Variants in CYP2J2 observed in about 807,000 individuals in gnomAD.
The protein encoded by CYP2J2 is cytochrome P450 2J2.
In CYP2J2, 41 loss-of-function variants were observed where a neutral mutation model predicts 48.8. That is an observed-to-expected ratio of 0.84 (90% CI 0.66 to 1.09). The LOEUF is 1.09. CYP2J2 is among the 50% of genes least tolerant of loss of function. The pLI, the probability that CYP2J2 is intolerant of heterozygous loss-of-function variation, is 0.00. For missense variants in CYP2J2, 644 were observed against 617.3 expected (o/e 1.04, Z -0.46); for synonymous variants, 221 against 227.1 (o/e 0.97, Z 0.24).
intron 8 of CYP2J2, 114 bp downstream of exon 8, chr1:59,900,851 C>T (rs1217559524): frequency 2.4e-5 from 30 of 1,243,418 alleles, no homozygotes; most frequent in Non-Finnish European, 3.1e-5. Flanking sequence ...GAGTGAGTCG[C>T]ACTGGCCAGG....
rs987657134 is a variant in CYP2J2 at position 59,901,242 on chromosome 1, C to T, written c.1192-139G>A. 40 of 755,046 alleles carry T rather than the reference C, an allele frequency of 5.3e-5. No individual in the cohort carries two copies. The East Asian group carries it at 6.1e-4, about 12-fold the overall frequency. 46.8% of individuals were successfully genotyped at this position (755,046 alleles called of 1,614,324 possible). On this transcript the variant is annotated intron_variant, in intron 7 of 8. Coordinates refer to ENST00000371204, the MANE Select transcript of CYP2J2 (RefSeq NM_000775.4). ...CCTCCCCAATTGTGGTACACAGTCT[C>T]CTGTGTCCCCCAACCCAGGACCCTT...
chr1:59,912,869 T>C (rs1436623716), intron 2 of CYP2J2: 1 of 152,208 alleles, frequency 6.6e-6, no homozygotes, highest in Non-Finnish European at 1.5e-5. Context: ...TAAAAGATGA[T>C]GTAAGGAATC....
At chr1:59,935,708 G>A in the CYP2J2 span, among the ~76,000 whole-genome samples, 12 of 152,138 alleles carry the variant, frequency 7.9e-5, no homozygotes, top group Non-Finnish European at 1.6e-4. Context: ...GATATTCCAC[G>A]TACATGGGTA....
intron 5 of CYP2J2, 42 bp from the exon 6 acceptor site, chr1:59,907,969 G>A: frequency 3.1e-6 from 5 of 1,598,448 alleles, no homozygotes; most frequent in Non-Finnish European, 4.3e-6. Context: ...GGTTTATTCA[G>A]AGGATTCCTG....
At chr1:59,905,410 C>T (rs1644356888) in intron 6 of CYP2J2, among the ~76,000 whole-genome samples, 1 of 152,208 alleles carries the variant, frequency 6.6e-6, no homozygotes, top group Non-Finnish European at 1.5e-5. Flanking sequence ...TCTCTGGAGT[C>T]TCTTTTATAA....
chr1:59,930,217 T>A (rs367789181), upstream of CYP2J2, among the ~76,000 whole-genome samples: 2 of 152,152 alleles, frequency 1.3e-5, no homozygotes, highest in East Asian at 3.8e-4. Context: ...CAAATGAGGG[T>A]GTGTAAATAT....
At chr1:59,898,748 C>A (rs2102104830) in intron 8 of CYP2J2, among the ~76,000 whole-genome samples, 1 of 152,286 alleles carries the variant, frequency 6.6e-6, no homozygotes, top group Non-Finnish European at 1.5e-5. Context: ...AGAACTCTCT[C>A]TTATTTTTAG....
intron 1 of CYP2J2, among the ~76,000 whole-genome samples, chr1:59,919,984 G>A (rs1365823163): frequency 6.6e-6 from 1 of 152,080 alleles, no homozygotes; most frequent in Non-Finnish European, 1.5e-5. Flanking sequence ...AAAGTCTCTT[G>A]GGAGAGACTG....
chr1:59,904,766 CT>C, intron 7 of CYP2J2, 104 bp downstream of exon 7: 1 of 959,834 alleles, frequency 1.0e-6, no homozygotes, highest in Non-Finnish European at 1.5e-6. Flanking sequence ...TATAAGATAT[CT>C]TTTTCTTCCA....
At chr1:59,935,057 A>C in the CYP2J2 span, among the ~76,000 whole-genome samples, 15 of 99,500 alleles carry the variant, frequency 1.5e-4, no homozygotes, top group Non-Finnish European at 3.2e-4. Flanking sequence ...TATATACACA[A>C]CAGAATATTA....
At chr1:59,896,922 A>G (rs1644274854) in intron 8 of CYP2J2, among the ~76,000 whole-genome samples, 1 of 152,212 alleles carries the variant, frequency 6.6e-6, no homozygotes, top group African/African-American at 2.4e-5. Flanking sequence ...CCTATAGTCA[A>G]TTCTATTTGC....
chr1:59,927,678 T>C (rs1279066771), upstream of CYP2J2, among the ~76,000 whole-genome samples: 1 of 152,192 alleles, frequency 6.6e-6, no homozygotes, highest in African/African-American at 2.4e-5. Context: ...GTTCAAGCGA[T>C]TCTTCTGCTT....
chr1:59,894,695 C>T (rs1192915485), intron 8 of CYP2J2, among the ~76,000 whole-genome samples: 1 of 152,128 alleles, frequency 6.6e-6, no homozygotes, highest in Non-Finnish European at 1.5e-5. Flanking sequence ...CATGCTGAAT[C>T]CAAATAAGCT....
chr1:59,937,876 T>C, the CYP2J2 span, among the ~76,000 whole-genome samples: 1 of 152,090 alleles, frequency 6.6e-6, no homozygotes, highest in African/African-American at 2.4e-5. Flanking sequence ...TTCTTCAGTA[T>C]GTCAATTACA....
chr1:59,893,791 C>G lies in CYP2J2; in HGVS notation c.1369G>C (p.Glu457Gln). ...ACLGEQLART[E>Q]LFIFFTSLMQ... ...AGGGAAGTGAAGAAAATAAACAGCTCAGTCCTGGCCAACTGTTCTCCGAGG... is the reference window on the plus strand; with the variant it reads ...AGGGAAGTGAAGAAAATAAACAGCTGAGTCCTGGCCAACTGTTCTCCGAGG... Residue 457 changes from glutamate to glutamine, a missense_variant, in exon 9 of 9, where the codon GAG (glutamate) becomes CAG (glutamine). By Grantham distance (29) the Glu-to-Gln change is conservative (BLOSUM62 2). Transcript: ENST00000371204. 6.2e-7 allele frequency: 1 copy of G among 1,611,502 alleles called. No homozygotes were observed. The highest frequency in any genetic ancestry group is 1.3e-5 in the African/African-American group (1 of 74,900).
chr1:59,953,161 T>C, the CYP2J2 span, among the ~76,000 whole-genome samples: 3 of 152,108 alleles, frequency 2.0e-5, no homozygotes, highest in African/African-American at 7.2e-5. Context: ...TGACAACGGG[T>C]GGCTGCCCTT....
upstream of CYP2J2, among the ~76,000 whole-genome samples, chr1:59,927,138 C>A (rs2102144778): frequency 6.6e-6 from 1 of 152,222 alleles, no homozygotes; most frequent in South Asian, 2.1e-4. Context: ...ATTATTATTT[C>A]ATTTTGACAA....
the CYP2J2 span, among the ~76,000 whole-genome samples, chr1:59,967,829 A>G: frequency 6.6e-6 from 1 of 152,204 alleles, no homozygotes; most frequent in South Asian, 2.1e-4. Flanking sequence ...TGTTTTATTT[A>G]TATTTCCTTA....
At chr1:59,926,385 T>C (rs1176693018) in intron 1 of CYP2J2, 152 bp downstream of exon 1, 22 of 640,638 alleles carry the variant, frequency 3.4e-5, no homozygotes, top group Non-Finnish European at 6.2e-5. Flanking sequence ...GGTTAGGAAA[T>C]GAAACTCAAA....
Sources: gnomAD v4.1 joint callset for allele counts (sites outside exome capture counted in the v4.1 genomes callset) on GRCh38, gnomAD v4.1.1 for gene constraint, MANE v1.5 for transcripts, NCBI Gene and HGNC (gene_info 2026-07-23, HGNC 2026-07-21) for gene names.